Variants in NOTCH1 observed in about 807,000 individuals in gnomAD.
NOTCH1 encodes the protein neurogenic locus notch homolog protein 1.
A neutral mutation model predicts 254.8 loss-of-function variants in NOTCH1; 37 were observed. The observed-to-expected ratio is 0.15, with a 90% CI of 0.11 to 0.19. The LOEUF is 0.19. Among genes scored for constraint, NOTCH1 ranks in the 10% least tolerant of loss-of-function variants. NOTCH1 has a pLI of 1.00. For synonymous variants in NOTCH1, 1,731 were observed against 1,618.1 expected, an observed-to-expected ratio of 1.07 and a Z score of -1.68; for missense variants, 2,972 against 3,708.6, an observed-to-expected ratio of 0.80 and a Z score of 5.16.
At chr9:136,523,571 G>T (rs1049243976) in intron 3 of NOTCH1, 146 bp downstream of exon 3, 5 of 1,023,782 alleles carry the variant, frequency 4.9e-6, no homozygotes, top group Non-Finnish European at 7.1e-6. Context: ...AGGTCTGGGA[G>T]GGGGGCAGGG....
chr9:136,529,299 T>C (rs1843521691), intron 2 of NOTCH1, among the ~76,000 whole-genome samples: 1 of 152,194 alleles, frequency 6.6e-6, no homozygotes, highest in South Asian at 2.1e-4. Context: ...AAGGCAGGCT[T>C]CCATGAGGCC....
At chr9:136,525,291 G>T (rs527793221) in intron 2 of NOTCH1, among the ~76,000 whole-genome samples, 2 of 152,166 alleles carry the variant, frequency 1.3e-5, no homozygotes, top group African/African-American at 4.8e-5. Flanking sequence ...CCCAGGCCTG[G>T]TCTCACCTGT....
chr9:136,516,547 T>C (rs78477826), intron 9 of NOTCH1, among the ~76,000 whole-genome samples: 117 of 152,312 alleles, frequency 7.7e-4, no homozygotes, highest in Non-Finnish European at 1.3e-3. Flanking sequence ...ATCATCTCCA[T>C]TGCAGGCCAA....
chr9:136,535,694 TC>T (rs1229266770), intron 2 of NOTCH1, among the ~76,000 whole-genome samples: 2 of 48,794 alleles, frequency 4.1e-5, no homozygotes, highest in African/African-American at 2.5e-4. Flanking sequence ...TCAGGATCCC[TC>T]CCAGGGGCAA....
intron 2 of NOTCH1, among the ~76,000 whole-genome samples, chr9:136,538,966 G>A (rs1843694246): frequency 6.6e-6 from 1 of 152,208 alleles, no homozygotes; most frequent in Non-Finnish European, 1.5e-5. Flanking sequence ...CAGTCCCTCG[G>A]CCCGGCCTGG....
chr9:136,495,982 G>T lies in NOTCH1; in HGVS notation c.*89C>A. On this transcript the variant is annotated 3_prime_UTR_variant, in exon 34 of 34. Transcript: ENST00000651671. ...GTATAAAAACATGTGTTTTAAAAAG[G>T]CTCCTCTGGTCGGCCCTGGCATCCA... The T allele has an allele frequency of 7.3e-7, 1 of 1,364,980 alleles. No homozygotes were observed. The highest frequency in any genetic ancestry group is 9.9e-7 in the Non-Finnish European group (1 of 1,006,614). 84.6% of individuals were successfully genotyped at this position (1,364,980 alleles called of 1,614,324 possible). A position where few individuals can be genotyped will look rare whatever the true frequency, so the allele number is the denominator to read the frequency against.
intron 2 of NOTCH1, among the ~76,000 whole-genome samples, chr9:136,541,993 C>T (rs894355308): frequency 1.2e-4 from 18 of 152,362 alleles, no homozygotes; most frequent in Admixed American, 1.1e-3. Context: ...GCACCAAAGC[C>T]ATGGTCGGCG....
At chr9:136,526,892 C>T (rs1843469048) in intron 2 of NOTCH1, among the ~76,000 whole-genome samples, 1 of 152,302 alleles carries the variant, frequency 6.6e-6, no homozygotes, top group Non-Finnish European at 1.5e-5. Flanking sequence ...GAGCCCCAGC[C>T]GGAGGCCTGA....
intron 2 of NOTCH1, among the ~76,000 whole-genome samples, chr9:136,529,669 C>G (rs918457793): frequency 6.6e-6 from 1 of 152,246 alleles, no homozygotes; most frequent in Non-Finnish European, 1.5e-5. Flanking sequence ...TGTGTCCCAA[C>G]CCCTGTTCAA....
In NOTCH1 at chr9:136,495,193, G is replaced by A. The variant is rs926200929; in HGVS notation, c.*878C>T. The stretch of plus-strand genomic sequence containing the variant: ...CCCCAGAAAAGGGTAGGATGCCTCC[G>A]TGTGTGACCCAGGCAAGTGCCACAG... On this transcript the variant is annotated 3_prime_UTR_variant, in exon 34 of 34. Coordinates refer to ENST00000651671, the MANE Select transcript of NOTCH1 (RefSeq NM_017617.5). The A allele has an allele frequency of 1.0e-5, 4 of 398,958 alleles. No homozygotes were observed. Among genetic ancestry groups the A allele is most frequent in the South Asian group, 1.3e-4 (1 of 7,862 alleles). 24.7% of individuals were successfully genotyped at this position (398,958 alleles called of 1,614,324 possible). A position where few individuals can be genotyped will look rare whatever the true frequency, so the allele number is the denominator to read the frequency against.
In NOTCH1 at chr9:136,498,937, G is replaced by A. The variant is rs1321745669; in HGVS notation, c.6142C>T (p.Leu2048=). The A allele has an allele frequency of 1.2e-6, 2 of 1,613,714 alleles. No homozygotes were observed. The highest frequency in any genetic ancestry group is 2.2e-5 in the South Asian group (2 of 91,088). ...VNNVDAAVVL[L]KNGANKDMQN... ...ATATCTTTGTTAGCCCCGTTCTTCA[G>A]GAGCACAACTGCGGCATCCACATTG... The change falls in exon 33 of 34, where the codon CTG becomes TTG. Residue 2048 remains leucine (L), a synonymous_variant. Transcript: ENST00000651671.
chr9:136,509,414 G>A (rs547571517), intron 18 of NOTCH1, among the ~76,000 whole-genome samples: 8 of 152,334 alleles, frequency 5.3e-5, no homozygotes, highest in African/African-American at 1.2e-4. Flanking sequence ...CGAGACTGAC[G>A]TTTACCAAAT....
At chr9:136,539,866 C>T (rs1002143387) in intron 2 of NOTCH1, among the ~76,000 whole-genome samples, 3 of 152,082 alleles carry the variant, frequency 2.0e-5, no homozygotes, top group African/African-American at 4.8e-5. Context: ...CCTCCCAGGC[C>T]GGCTGCAGGG....
At position 136,510,744 on chromosome 9, in the gene NOTCH1, G is replaced by A. The variant is rs751776048; in HGVS notation, c.2649C>T (p.Ser883=). 2 of 1,610,792 alleles carry A rather than the reference G, an allele frequency of 1.2e-6. No individual in the cohort carries two copies. The highest frequency in any genetic ancestry group is 1.7e-5 in the Admixed American group (1 of 60,000). Residue 883 remains serine, a synonymous_variant, in exon 17 of 34, where the codon TCC becomes TCT. Coordinates refer to ENST00000651671, the MANE Select transcript of NOTCH1 (RefSeq NM_017617.5). ...CVLSPCRHGA[S]CQNTHGGYRC... Reference sequence around the variant, plus strand: ...GGTAGCCGCCGTGGGTGTTCTGGCAGGATGCGCCGTGCCGGCACGGGCTCA... The same window carrying A: ...GGTAGCCGCCGTGGGTGTTCTGGCAAGATGCGCCGTGCCGGCACGGGCTCA...
intron 4 of NOTCH1, among the ~76,000 whole-genome samples, chr9:136,520,563 G>A (rs552216663): frequency 7.2e-5 from 11 of 152,016 alleles, no homozygotes; most frequent in African/African-American, 2.2e-4. Flanking sequence ...GCGAAACCCC[G>A]TCTCTACAAA....
In NOTCH1 at chr9:136,497,094, C is replaced by T. The variant is rs745339419; in HGVS notation, c.6645G>A (p.Ser2215=). Residue 2215 remains serine, a synonymous_variant, in exon 34 of 34, where the codon TCG becomes TCA. Coordinates refer to ENST00000651671, the MANE Select transcript of NOTCH1 (RefSeq NM_017617.5). The stretch of plus-strand genomic sequence containing the variant: ...GGAACGGGGAGGGCAGCAGTGGCGG[C>T]GAGGCCACGTCTGACAGGTAGCCAT... The part of the protein sequence containing the change: ...SPHGYLSDVA[S]PPLLPSPFQQ... 24 of 1,609,580 alleles carry T rather than the reference C, an allele frequency of 1.5e-5. No individual in the cohort carries two copies. Among genetic ancestry groups the T allele is most frequent in the East Asian group, 4.5e-5 (2 of 44,796 alleles).
At chr9:136,519,995 G>T (rs1843341319) in intron 4 of NOTCH1, among the ~76,000 whole-genome samples, 1 of 152,124 alleles carries the variant, frequency 6.6e-6, no homozygotes, top group Non-Finnish European at 1.5e-5. Context: ...GCTGGCTGGG[G>T]CAGGGTGGGC....
At chr9:136,502,922 G>A (rs761958334) in intron 27 of NOTCH1, 1 of 675,082 alleles carries the variant, frequency 1.5e-6, no homozygotes, top group South Asian at 1.5e-5. Flanking sequence ...AGAAAATTCA[G>A]GAGGAAAGGG....
intron 1 of NOTCH1, among the ~76,000 whole-genome samples, chr9:136,544,740 C>T (rs1843787073): frequency 6.6e-6 from 1 of 152,146 alleles, no homozygotes; most frequent in African/African-American, 2.4e-5. Context: ...GCCCCGCCTC[C>T]GCCGACACCC....
Sources: allele counts gnomAD v4.1 joint callset (sites outside exome capture counted in the v4.1 genomes callset), GRCh38; gene constraint gnomAD v4.1.1; transcripts MANE v1.5; gene names NCBI Gene and HGNC (gene_info 2026-07-23, HGNC 2026-07-21).